The following TLN2 variants were observed in gnomAD, a reference collection of about 807,000 sequenced individuals.
TLN2 encodes the protein talin-2.
Under a neutral mutation model 294.7 loss-of-function variants are expected in TLN2, and 118 were observed. The ratio of observed to expected loss-of-function variants is 0.40; its 90% confidence interval spans 0.34 to 0.47. TLN2 has a LOEUF of 0.47. Among genes scored for constraint, TLN2 ranks in the 20% least tolerant of loss-of-function variants. The pLI is 0.84. For synonymous variants in TLN2, 1,431 were observed against 1,304.5 expected (o/e 1.10, Z -2.09); for missense variants, 3,083 against 3,282.2 (o/e 0.94, Z 1.48).
chr15:62,835,162 C>T (rs111956382), intron 55 of TLN2: 4 of 153,630 alleles, frequency 2.6e-5, no homozygotes, highest in South Asian at 4.1e-4. Context: ...AAATGTTCTA[C>T]TTGTTGCCAT....
At chr15:62,433,467 C>T (rs73424376) in intron 1 of TLN2, among the ~76,000 whole-genome samples, 2,523 of 152,218 alleles carry the variant, frequency 0.017, 62 homozygotes, top group African/African-American at 0.058. Context: ...CTGGGGCATA[C>T]CACCTCTGTT....
chr15:62,424,050 G>C (rs1051337351), intron 1 of TLN2, among the ~76,000 whole-genome samples: 1 of 152,132 alleles, frequency 6.6e-6, no homozygotes, highest in Admixed American at 6.6e-5. Flanking sequence ...CTGAATCCTG[G>C]TTCAGACATG....
intron 1 of TLN2, among the ~76,000 whole-genome samples, chr15:62,407,341 A>G (rs1467426186): frequency 1.3e-5 from 2 of 152,146 alleles, no homozygotes; most frequent in Non-Finnish European, 2.9e-5. Context: ...TTCTCCCCGT[A>G]ATACCAGTGA....
intron 2 of TLN2, among the ~76,000 whole-genome samples, chr15:62,591,089 T>G (rs1033783925): frequency 1.3e-5 from 2 of 152,212 alleles, no homozygotes; most frequent in African/African-American, 4.8e-5. Flanking sequence ...GTGTGGAATT[T>G]TTAATAATCA....
At chr15:62,665,191 T>C (rs773931282) in intron 9 of TLN2, among the ~76,000 whole-genome samples, 4 of 152,026 alleles carry the variant, frequency 2.6e-5, no homozygotes, top group Non-Finnish European at 5.9e-5. Flanking sequence ...GCCTCTCAAG[T>C]AGCTGGGACT....
At chr15:62,411,489 C>G (rs1050351049) in intron 1 of TLN2, among the ~76,000 whole-genome samples, 1 of 142,698 alleles carries the variant, frequency 7.0e-6, no homozygotes, top group Non-Finnish European at 1.5e-5. Flanking sequence ...TGTTCCCATG[C>G]TGCATTGGCC....
At position 62,638,060 on chromosome 15, in the gene TLN2, T is replaced by G. The variant is rs138289192; in HGVS notation, c.-36-9215T>G. Reference sequence around the variant, plus strand: ...GGGCTAAGCAGCTTGAACCTGATTTTCCATACATTTCAAAATGCTATGTGT... The same window carrying G: ...GGGCTAAGCAGCTTGAACCTGATTTGCCATACATTTCAAAATGCTATGTGT... On this transcript the variant is annotated intron_variant, in intron 3 of 58. Coordinates refer to ENST00000636159, the MANE Select transcript of TLN2 (RefSeq NM_015059.3). 832 of 154,714 alleles carry G rather than the reference T, an allele frequency of 5.4e-3. 11 individuals carry two copies. The highest frequency in any genetic ancestry group is 0.019 in the African/African-American group (803 of 41,530). The allele number at this position is 154,714 out of a possible 1,614,324, so 9.6% of individuals were successfully genotyped here.
intron 54 of TLN2, chr15:62,830,951 A>T (rs2068771852): frequency 6.6e-6 from 1 of 152,168 alleles, no homozygotes; most frequent in Non-Finnish European, 1.5e-5. Flanking sequence ...AAAATTCGTC[A>T]AAGAACATTA....
At chr15:62,739,776 G>A (rs549803704) in intron 31 of TLN2, among the ~76,000 whole-genome samples, 8 of 151,226 alleles carry the variant, frequency 5.3e-5, no homozygotes, top group East Asian at 1.9e-4. Flanking sequence ...CTTCTCCCAC[G>A]ATCCTCCAGC....
intron 1 of TLN2, among the ~76,000 whole-genome samples, chr15:62,445,744 C>T (rs953193952): frequency 2.0e-5 from 3 of 151,914 alleles, no homozygotes; most frequent in African/African-American, 7.2e-5. Flanking sequence ...GTTCACTGCA[C>T]CCTCGACTTC....
intron 9 of TLN2, among the ~76,000 whole-genome samples, chr15:62,663,560 A>T (rs1273937052): frequency 6.6e-6 from 1 of 151,888 alleles, no homozygotes; most frequent in Non-Finnish European, 1.5e-5. Context: ...TAGAATTAAC[A>T]AGACTTTTAA....
rs139690793 is a variant in TLN2 at position 62,558,626 on chromosome 15, T to A, written c.-237-31061T>A. ...ACGTGGAAGATACCCAGGGAATGAG[T>A]AGTTCTCAAAGAGAGGTGGCTTTGA... On this transcript the variant is annotated intron_variant, in intron 1 of 58. Transcript: ENST00000636159. 3.8e-3 allele frequency among the ~76,000 whole-genome samples: 571 copies of A among 152,236 alleles called. 6 individuals carry two copies. Among genetic ancestry groups the A allele is most frequent in the African/African-American group, 0.013 (549 of 41,544 alleles).
At chr15:62,544,853 T>C (rs1567079399) in intron 1 of TLN2, among the ~76,000 whole-genome samples, 1 of 152,176 alleles carries the variant, frequency 6.6e-6, no homozygotes, top group African/African-American at 2.4e-5. Context: ...AGTTTTTTTT[T>C]CCTTATCAAT....
In TLN2 at chr15:62,740,874, G is replaced by A; in HGVS notation, c.4025+105G>A. The A allele has an allele frequency of 4.1e-6, 6 of 1,474,986 alleles. No homozygotes were observed. In the South Asian group the frequency reaches 6.4e-5, roughly 16 times the overall value. The allele number at this position is 1,474,986 out of a possible 1,614,324, so 91.4% of individuals were successfully genotyped here. On this transcript the variant is annotated intron_variant, in intron 32 of 58. Transcript: ENST00000636159. ...ACTTTTGCTGAGCAAAAGAATTGGT[G>A]CTGTCCTTAGGTCATGGGAGGTGGA... is the stretch of plus-strand genomic sequence containing the variant.
chr15:62,711,683 T>C (rs1360290779), intron 21 of TLN2, among the ~76,000 whole-genome samples: 1 of 152,198 alleles, frequency 6.6e-6, no homozygotes, highest in African/African-American at 2.4e-5. Context: ...TGCCTCATAG[T>C]GAAAGGTTGA....
At chr15:62,470,164 G>A (rs916841155) in intron 1 of TLN2, among the ~76,000 whole-genome samples, 4 of 152,122 alleles carry the variant, frequency 2.6e-5, no homozygotes, top group African/African-American at 9.7e-5. Context: ...CACATAAGTG[G>A]GATCCTTCCC....
intron 31 of TLN2, chr15:62,740,341 C>A: frequency 3.2e-6 from 1 of 310,932 alleles, no homozygotes. Context: ...CTCCTCCCAC[C>A]CTGCTCCCCG....
intron 43 of TLN2, among the ~76,000 whole-genome samples, chr15:62,779,378 CAAAA>C (rs943252618): frequency 3.7e-5 from 5 of 133,900 alleles, no homozygotes; most frequent in Middle Eastern, 3.6e-3. Context: ...GAAAATTAAA[CAAAA>C]ACAAACAAAA....
At chr15:62,616,119 A>G (rs1341099570) in intron 2 of TLN2, among the ~76,000 whole-genome samples, 1 of 152,102 alleles carries the variant, frequency 6.6e-6, no homozygotes, top group Non-Finnish European at 1.5e-5. Context: ...CTGTAAAAAT[A>G]TTTTCAAAGT....
Sources: allele counts gnomAD v4.1 joint callset (sites outside exome capture counted in the v4.1 genomes callset), GRCh38; gene constraint gnomAD v4.1.1; transcripts MANE v1.5; gene names NCBI Gene and HGNC (gene_info 2026-07-23, HGNC 2026-07-21).